TJP2: variants seen among roughly 807,000 people sequenced by gnomAD.
TJP2 encodes tight junction protein 2.
TJP2 carries 91 observed loss-of-function variants against 133.1 expected under a neutral mutation model. The observed-to-expected ratio is 0.68, with a 90% confidence interval of 0.58 to 0.81. The LOEUF (loss-of-function observed/expected upper bound fraction) is 0.81. Ranked by LOEUF, TJP2 falls within the 40% of genes least tolerant of loss-of-function variation. TJP2 has a pLI of 0.00. For missense variants in TJP2, 1,541 were observed against 1,565.6 expected, an observed-to-expected ratio of 0.98 and a Z score of 0.26; for synonymous variants, 592 against 583.4, an observed-to-expected ratio of 1.01 and a Z score of -0.21.
chr9:69,207,228 A>G (rs1402134328), intron 1 of TJP2, among the ~76,000 whole-genome samples: 1 of 152,198 alleles, frequency 6.6e-6, no homozygotes, highest in East Asian at 1.9e-4. Flanking sequence ...ACCATTTGTA[A>G]ATGTACAGTT....
rs201054595 is a variant in TJP2 at position 69,240,352 on chromosome 9, A to G, written c.2566+205A>G. 7.2e-5 allele frequency among the ~76,000 whole-genome samples: 11 copies of G among 152,338 alleles called. No homozygotes were observed. In the East Asian group the frequency reaches 2.1e-3, roughly 29 times the overall value. On this transcript the variant is annotated intron_variant, in intron 17 of 22. Transcript: ENST00000377245. ...TAATTTTGTCTATTTGAAAATGACC[A>G]TAAAGATCCATGATGTGGTAATAAT...
In TJP2 at chr9:69,227,793, A is replaced by G. The variant is rs1000235581; in HGVS notation, c.1239A>G (p.Ser413=). 1.2e-6 allele frequency: 2 copies of G among 1,612,884 alleles called. No individual in the cohort carries two copies. Among genetic ancestry groups the G allele is most frequent in the Non-Finnish European group, 1.7e-6 (2 of 1,179,100 alleles). Residue 413 remains serine, a synonymous_variant, in exon 8 of 23, where the codon TCA becomes TCG. Coordinates refer to ENST00000377245, the MANE Select transcript of TJP2 (RefSeq NM_004817.4). ...EDISEIESNR[S]FSPEERRHQY... The stretch of plus-strand genomic sequence containing the variant: ...TTTCAGAAATAGAGTCAAACCGATC[A>G]TTTTCTCCAGAGGAGAGACGTCATC...
At chr9:69,229,422 A>AT (rs1443193720) in intron 10 of TJP2, among the ~76,000 whole-genome samples, 172 bp downstream of exon 10, 1 of 152,194 alleles carries the variant, frequency 6.6e-6, no homozygotes, top group African/African-American at 2.4e-5. Flanking sequence ...ATTTGTGGGA[A>AT]CAGCAAAATG....
At chr9:69,164,161 T>A (rs1824230816) in intron 2 of TJP2, among the ~76,000 whole-genome samples, 1 of 152,196 alleles carries the variant, frequency 6.6e-6, no homozygotes, top group Non-Finnish European at 1.5e-5. Flanking sequence ...CCATGCAAAT[T>A]TGCATGGCTA....
chr9:69,137,644 A>G (rs2133274199), intron 1 of TJP2, among the ~76,000 whole-genome samples: 1 of 151,924 alleles, frequency 6.6e-6, no homozygotes, highest in African/African-American at 2.4e-5. Flanking sequence ...GAATACAAGC[A>G]TGAGCCACTG....
chr9:69,206,438 A>C (rs1827413314), intron 1 of TJP2, among the ~76,000 whole-genome samples: 1 of 152,144 alleles, frequency 6.6e-6, no homozygotes, highest in Non-Finnish European at 1.5e-5. Flanking sequence ...TTCACTTTGC[A>C]AAATTCTAAC....
At chr9:69,122,079 A>AAC (rs1435940444) in intron 1 of TJP2, 1 of 152,262 alleles carries the variant, frequency 6.6e-6, no homozygotes, top group African/African-American at 2.4e-5. Context: ...GGTGTGCCTG[A>AAC]ACACGCACCT....
exon 2 of TJP2, chr9:69,151,742 GCTGTACCAGTA>G: frequency 8.1e-7 from 1 of 1,232,158 alleles, no homozygotes. Flanking sequence ...GAAGCACAGA[GCTGTACCAGTA>G]CACGGCCCAC....
intron 1 of TJP2, among the ~76,000 whole-genome samples, chr9:69,198,026 G>A (rs1306390138): frequency 3.9e-5 from 6 of 152,314 alleles, no homozygotes; most frequent in Admixed American, 1.3e-4. Context: ...GAATTGAGGC[G>A]CAGTCTTGGA....
intron 3 of TJP2, among the ~76,000 whole-genome samples, chr9:69,217,981 C>T (rs926285536): frequency 2.6e-5 from 4 of 152,146 alleles, no homozygotes; most frequent in Non-Finnish European, 4.4e-5. Flanking sequence ...TCACCGTCAT[C>T]AAGTACCTCC....
intron 1 of TJP2, among the ~76,000 whole-genome samples, chr9:69,197,830 G>C (rs968247953): frequency 6.6e-6 from 1 of 152,188 alleles, no homozygotes; most frequent in African/African-American, 2.4e-5. Context: ...GTGTGTGACG[G>C]CCTCCAGAAC....
At position 69,226,024 on chromosome 9, in the gene TJP2, C is replaced by G. The variant is rs773534280; in HGVS notation, c.1059C>G (p.Ile353Met). ...NLHEGDIILKINGTVTENMSL... is the reference protein window; with the variant it reads ...NLHEGDIILKMNGTVTENMSL... ...ATTACCATTTTTTATAAACACAGATCAATGGGACTGTAACTGAGAACATGT... is the reference window on the plus strand; with the variant it reads ...ATTACCATTTTTTATAAACACAGATGAATGGGACTGTAACTGAGAACATGT... The change falls in exon 7 of 23, where the codon ATC becomes ATG. Residue 353 changes from isoleucine (I) to methionine (M), a missense_variant and splice_region_variant. Transcript: ENST00000377245. 2.5e-5 allele frequency: 41 copies of G among 1,613,908 alleles called. No homozygotes were observed. The highest frequency in any genetic ancestry group is 3.5e-5 in the Non-Finnish European group (41 of 1,179,966).
At chr9:69,146,255 C>T (rs1823205929) in intron 1 of TJP2, among the ~76,000 whole-genome samples, 2 of 152,170 alleles carry the variant, frequency 1.3e-5, no homozygotes, top group Non-Finnish European at 2.9e-5. Flanking sequence ...CAGCAGTTTT[C>T]CTTCCACATC....
intron 1 of TJP2, among the ~76,000 whole-genome samples, chr9:69,133,546 C>CTTTTTTTTTTTTTTTT (rs10577570): frequency 2.9e-5 from 3 of 104,782 alleles, no homozygotes; most frequent in African/African-American, 1.2e-4. Flanking sequence ...ATTTTTCTGG[C>CTTTTTTTTTTTTTTTT]TTTTTTTTTT....
At chr9:69,128,862 T>C (rs989570318) in intron 1 of TJP2, among the ~76,000 whole-genome samples, 1 of 152,190 alleles carries the variant, frequency 6.6e-6, no homozygotes. Context: ...TCTTGATTCT[T>C]TTCCAAGGGA....
chr9:69,217,681 G>A (rs891241345), intron 3 of TJP2, among the ~76,000 whole-genome samples: 10 of 152,246 alleles, frequency 6.6e-5, no homozygotes, highest in African/African-American at 2.4e-4. Flanking sequence ...GGGAAACCAT[G>A]CCTCTTAAAA....
chr9:69,193,636 T>TAGA (rs1826354998), intron 1 of TJP2, among the ~76,000 whole-genome samples: 3 of 142,130 alleles, frequency 2.1e-5, no homozygotes, highest in Non-Finnish European at 4.5e-5. Context: ...AATGAGGTCT[T>TAGA]TTTCTAAGTT....
chr9:69,142,198 G>A (rs1282819702), intron 1 of TJP2, among the ~76,000 whole-genome samples: 1 of 152,192 alleles, frequency 6.6e-6, no homozygotes, highest in Non-Finnish European at 1.5e-5. Flanking sequence ...ATACTGGGTT[G>A]TGCCAGAGGA....
chr9:69,161,962 T>C (rs1824098704), intron 2 of TJP2, among the ~76,000 whole-genome samples: 1 of 150,226 alleles, frequency 6.7e-6, no homozygotes, highest in Non-Finnish European at 1.5e-5. Flanking sequence ...CAGAATTGCT[T>C]GAACTCAGGA....
Sources: gnomAD v4.1 joint callset for allele counts (sites outside exome capture counted in the v4.1 genomes callset) on GRCh38, gnomAD v4.1.1 for gene constraint, MANE v1.5 for transcripts, NCBI Gene and HGNC (gene_info 2026-07-23, HGNC 2026-07-21) for gene names.